The following AFF3 variants were observed in gnomAD, a reference collection of about 807,000 sequenced individuals.
The protein encoded by AFF3 is AF4/FMR2 family member 3.
Under a neutral mutation model 129.7 loss-of-function variants are expected in AFF3, and 32 were observed. The observed-to-expected ratio is 0.25, with a 90% CI of 0.19 to 0.33. The LOEUF (loss-of-function observed/expected upper bound fraction) is 0.33. Ranked by LOEUF, AFF3 falls within the 10% of genes least tolerant of loss-of-function variation. AFF3 has a pLI of 1.00. For synonymous variants in AFF3, 644 were observed against 635.4 expected, an observed-to-expected ratio of 1.01 and a Z score of -0.20; for missense variants, 1,373 against 1,592.0, an observed-to-expected ratio of 0.86 and a Z score of 2.34.
chr2:100,067,407 T>C (rs1016746166), intron 4 of AFF3, among the ~76,000 whole-genome samples: 1 of 152,206 alleles, frequency 6.6e-6, no homozygotes, highest in Non-Finnish European at 1.5e-5. Context: ...TGCACACATG[T>C]GCCCCTCTCA....
intron 13 of AFF3, among the ~76,000 whole-genome samples, chr2:99,631,942 G>T (rs1484522136): frequency 6.8e-6 from 1 of 147,582 alleles, no homozygotes; most frequent in Non-Finnish European, 1.5e-5. Context: ...TTTCCACGGT[G>T]TCTGCACCAT....
chr2:99,910,014 A>G (rs1315966756), intron 7 of AFF3, among the ~76,000 whole-genome samples: 1 of 152,204 alleles, frequency 6.6e-6, no homozygotes, highest in Non-Finnish European at 1.5e-5. Context: ...TAAAGTTAAA[A>G]AGAGCTAAAA....
At chr2:99,672,672 T>C (rs1687268726) in intron 11 of AFF3, 83 bp from the exon 12 acceptor site, 2 of 1,322,312 alleles carry the variant, frequency 1.5e-6, no homozygotes, top group South Asian at 1.2e-5. Flanking sequence ...ATCACCTTAA[T>C]GTTGTTATTA....
At chr2:99,607,525 C>CT (rs1322242946) in intron 13 of AFF3, among the ~76,000 whole-genome samples, 1 of 150,680 alleles carries the variant, frequency 6.6e-6, no homozygotes, top group African/African-American at 2.4e-5. Flanking sequence ...GTGTGAGACT[C>CT]TGTCTCAAAA....
At chr2:100,003,895 G>A (rs964171623) in intron 7 of AFF3, among the ~76,000 whole-genome samples, 3 of 151,588 alleles carry the variant, frequency 2.0e-5, no homozygotes, top group Non-Finnish European at 2.9e-5. Context: ...GTAAATGAGA[G>A]AAACTGCAAA....
intron 7 of AFF3, among the ~76,000 whole-genome samples, chr2:99,879,724 C>T (rs1692561784): frequency 6.6e-6 from 1 of 152,172 alleles, no homozygotes; most frequent in Non-Finnish European, 1.5e-5. Context: ...TGCCAACGTG[C>T]CCAAGGACCA....
rs770793897 is a variant in AFF3 at position 99,551,256 on chromosome 2, T to C, written c.*218A>G. 1 of 614,880 alleles carries C rather than the reference T, an allele frequency of 1.6e-6. No homozygotes were observed. The highest frequency in any genetic ancestry group is 2.2e-5 in the South Asian group (1 of 44,744). 38.1% of individuals were successfully genotyped at this position (614,880 alleles called of 1,614,324 possible). A position where few individuals can be genotyped will look rare whatever the true frequency, so the allele number is the denominator to read the frequency against. Reference sequence around the variant, plus strand: ...ATGGAAACTAGACAAAGAAGGTGTGTTCTGAAGAGCTGTGTATCTTACACA... The same window carrying C: ...ATGGAAACTAGACAAAGAAGGTGTGCTCTGAAGAGCTGTGTATCTTACACA... On this transcript the variant is annotated 3_prime_UTR_variant, in exon 25 of 25. Coordinates refer to ENST00000672756, the MANE Select transcript of AFF3 (RefSeq NM_001386135.1).
At chr2:99,609,513 G>C (rs536155340) in intron 13 of AFF3, among the ~76,000 whole-genome samples, 19 of 152,256 alleles carry the variant, frequency 1.2e-4, no homozygotes, top group African/African-American at 4.1e-4. Flanking sequence ...ACTTCACTTA[G>C]AATAATAGTC....
intron 7 of AFF3, among the ~76,000 whole-genome samples, chr2:99,909,641 C>T (rs921216409): frequency 2.6e-5 from 4 of 151,500 alleles, no homozygotes; most frequent in Admixed American, 6.6e-5. Flanking sequence ...AAAGAAAAAG[C>T]GTTTCTCCAC....
Position 99,550,155 on chromosome 2 carries a change from C to T in AFF3, c.*1319G>A. 4.4e-6 allele frequency: 1 copy of T among 228,710 alleles called. No individual in the cohort carries two copies. Among genetic ancestry groups the T allele is most frequent in the African/African-American group, 2.2e-5 (1 of 45,146 alleles). 14.2% of individuals were successfully genotyped at this position (228,710 alleles called of 1,614,324 possible). A position where few individuals can be genotyped will look rare whatever the true frequency, so the allele number is the denominator to read the frequency against. On this transcript the variant is annotated 3_prime_UTR_variant, in exon 25 of 25. Transcript: ENST00000672756. ...AAAAACATCAGACAAAAACTGTAAA[C>T]AAGATGTCAAAGAAACTAAAATGTA...
chr2:99,943,045 C>G (rs549645214), intron 7 of AFF3, among the ~76,000 whole-genome samples: 1 of 152,226 alleles, frequency 6.6e-6, no homozygotes, highest in South Asian at 2.1e-4. Flanking sequence ...TGAATAAGAC[C>G]CAGGCTGCTT....
rs972755896 is a variant in AFF3 at position 99,905,541 on chromosome 2, C to T, written c.874-68017G>A. Among the ~76,000 whole-genome samples, 7 of 152,226 alleles carry T rather than the reference C, an allele frequency of 4.6e-5. 1 individual carries two copies. On this transcript the variant is annotated intron_variant, in intron 7 of 24. Transcript: ENST00000672756. ...TGTAAAATGCCAAGGAGGAACCACA[C>T]TGGCTTATTGTTTGTTCCCTTTGCT...
intron 7 of AFF3, among the ~76,000 whole-genome samples, chr2:99,993,792 CTTTTTTTTTTTTTTTTT>C (rs751882272): frequency 1.4e-4 from 10 of 72,540 alleles, no homozygotes; most frequent in Admixed American, 9.5e-4. Context: ...AACACTTTAT[CTTTTTTTTTTTTTTTTT>C]TTTTTTTTTT....
chr2:99,855,774 G>C (rs1690480465), intron 7 of AFF3, among the ~76,000 whole-genome samples: 1 of 152,170 alleles, frequency 6.6e-6, no homozygotes, highest in South Asian at 2.1e-4. Context: ...TCTTTCCAAA[G>C]AGTATAGCAT....
intron 7 of AFF3, among the ~76,000 whole-genome samples, chr2:99,911,604 A>T (rs770768826): frequency 2.6e-5 from 4 of 152,174 alleles, no homozygotes; most frequent in Admixed American, 1.3e-4. Context: ...TGCAGCTTGT[A>T]AATGCAGGTA....
intron 8 of AFF3, among the ~76,000 whole-genome samples, chr2:99,781,091 T>G (rs1489818938): frequency 1.3e-5 from 2 of 152,180 alleles, no homozygotes; most frequent in South Asian, 2.1e-4. Flanking sequence ...TCCCCTTACT[T>G]ACTCTACTTT....
chr2:100,082,518 C>G (rs1176805044), intron 4 of AFF3, among the ~76,000 whole-genome samples: 1 of 152,206 alleles, frequency 6.6e-6, no homozygotes, highest in African/African-American at 2.4e-5. Context: ...CTTCTGTACT[C>G]TTGGTGTGTA....
intron 8 of AFF3, among the ~76,000 whole-genome samples, chr2:99,835,275 C>T (rs560152255): frequency 4.6e-5 from 7 of 152,278 alleles, no homozygotes; most frequent in South Asian, 4.2e-4. Context: ...ATAGGATCTA[C>T]GACCTAGCTC....
intron 13 of AFF3, among the ~76,000 whole-genome samples, chr2:99,622,929 G>T (rs1682172353): frequency 6.6e-6 from 1 of 152,208 alleles, no homozygotes; most frequent in African/African-American, 2.4e-5. Context: ...TCATGTCTTT[G>T]ATCAGAATGA....
Sources: gnomAD v4.1 joint callset for allele counts (sites outside exome capture counted in the v4.1 genomes callset) on GRCh38, gnomAD v4.1.1 for gene constraint, MANE v1.5 for transcripts, NCBI Gene and HGNC (gene_info 2026-07-23, HGNC 2026-07-21) for gene names.